DSC2: variants seen among roughly 807,000 people sequenced by gnomAD.
DSC2 encodes desmocollin 2.
Under a neutral mutation model 87.6 loss-of-function variants are expected in DSC2, and 51 were observed. That is an observed-to-expected ratio of 0.58 (90% CI 0.46 to 0.74). DSC2 has a LOEUF of 0.74. Ranked by LOEUF, DSC2 falls within the 30% of genes least tolerant of loss-of-function variation. DSC2 has a pLI of 0.00. For missense variants in DSC2, 1,066 were observed against 1,089.5 expected (o/e 0.98, Z 0.30); for synonymous variants, 383 against 393.2 (o/e 0.97, Z 0.31).
chr18:31,092,425 G>C lies in DSC2; in HGVS notation c.155-125C>G. On this transcript the variant is annotated intron_variant, in intron 2 of 15. Coordinates refer to ENST00000280904, the MANE Select transcript of DSC2 (RefSeq NM_024422.6). Reference sequence around the variant, plus strand: ...ATTATACTGACACTTGTAAATTTTTGAAAGGACACATAAAACTATATGGTG... The same window carrying C: ...ATTATACTGACACTTGTAAATTTTTCAAAGGACACATAAAACTATATGGTG... 3 of 772,170 alleles carry C rather than the reference G, an allele frequency of 3.9e-6. No individual in the cohort carries two copies. In the South Asian group the frequency reaches 4.6e-5, roughly 12 times the overall value. The allele number at this position is 772,170 out of a possible 1,614,324, so 47.8% of individuals were successfully genotyped here.
chr18:31,096,019 T>C (rs747801166), intron 1 of DSC2, among the ~76,000 whole-genome samples: 93 of 151,980 alleles, frequency 6.1e-4, no homozygotes, highest in Non-Finnish European at 1.1e-3. Context: ...AAGAAGTGGG[T>C]GTGGGCCAGA....
chr18:31,101,391 T>C (rs1323872487), intron 1 of DSC2, among the ~76,000 whole-genome samples: 1 of 151,348 alleles, frequency 6.6e-6, no homozygotes, highest in Admixed American at 6.6e-5. Context: ...CGGTTCCCCT[T>C]TCCGTGGCCT....
intron 7 of DSC2, 62 bp downstream of exon 7, chr18:31,086,514 G>A: frequency 6.3e-7 from 1 of 1,577,502 alleles, no homozygotes; most frequent in Non-Finnish European, 8.7e-7. Flanking sequence ...ACATCTACAG[G>A]AGTTATACAG....
intron 9 of DSC2, among the ~76,000 whole-genome samples, chr18:31,081,189 A>T (rs772962327): frequency 6.6e-5 from 10 of 152,124 alleles, no homozygotes; most frequent in Non-Finnish European, 1.5e-4. Flanking sequence ...AAATGGGTAA[A>T]TTTTTTTAAA....
intron 1 of DSC2, among the ~76,000 whole-genome samples, chr18:31,094,265 A>G (rs1987697130): frequency 6.6e-6 from 1 of 152,240 alleles, no homozygotes; most frequent in South Asian, 2.1e-4. Flanking sequence ...ATCCTAAACA[A>G]AAAGTAAATG....
Position 31,066,106 on chromosome 18 carries a change from C to T in DSC2, c.*1909G>A, listed in dbSNP as rs569817490. On this transcript the variant is annotated 3_prime_UTR_variant, in exon 16 of 16. Transcript: ENST00000280904. ...CTAGGAAACAAGTTCTGTTATTATC[C>T]CCCATTTTAAAATGATGAAAATGGA... The T allele has an allele frequency of 6.6e-6, 1 of 152,020 alleles. No individual in the cohort carries two copies. Among genetic ancestry groups the T allele is most frequent in the Non-Finnish European group, 1.5e-5 (1 of 68,012 alleles). The allele number at this position is 152,020 out of a possible 1,614,324, so 9.4% of individuals were successfully genotyped here.
chr18:31,063,938 A>G lies in DSC2; in HGVS notation c.*4077T>C, dbSNP rs1031544679. The G allele has an allele frequency of 6.6e-6, 1 of 152,204 alleles. No homozygotes were observed. The highest frequency in any genetic ancestry group is 2.1e-4 in the South Asian group (1 of 4,830). 9.4% of individuals were successfully genotyped at this position (152,204 alleles called of 1,614,324 possible). A position where few individuals can be genotyped will look rare whatever the true frequency, so the allele number is the denominator to read the frequency against. The stretch of plus-strand genomic sequence containing the variant: ...CTCTTAGGCAGAATGGCATGATCAT[A>G]TCTGCTCTTTGATGGCCCTTGAAAA... On this transcript the variant is annotated 3_prime_UTR_variant, in exon 16 of 16. Coordinates refer to ENST00000280904, the MANE Select transcript of DSC2 (RefSeq NM_024422.6).
At chr18:31,089,831 T>C (rs953544271) in intron 4 of DSC2, among the ~76,000 whole-genome samples, 1 of 152,186 alleles carries the variant, frequency 6.6e-6, no homozygotes, top group African/African-American at 2.4e-5. Context: ...AAGGAATATT[T>C]GACAGGCTAG....
intron 12 of DSC2, among the ~76,000 whole-genome samples, chr18:31,073,682 G>A (rs533066655): frequency 1.3e-4 from 20 of 152,324 alleles, no homozygotes; most frequent in African/African-American, 4.6e-4. Flanking sequence ...GGTAGACCAT[G>A]ACATCATGGT....
Position 31,068,990 on chromosome 18 carries a change from G to A in DSC2, c.2412C>T (p.His804=), listed in dbSNP as rs1986728077. 1.3e-5 allele frequency: 21 copies of A among 1,614,096 alleles called. No homozygotes were observed. The highest frequency in any genetic ancestry group is 1.7e-5 in the Non-Finnish European group (20 of 1,179,998). Residue 804 remains histidine (H), a synonymous_variant, in exon 15 of 16, where the codon CAC becomes CAT. Coordinates refer to ENST00000280904, the MANE Select transcript of DSC2 (RefSeq NM_024422.6). ...SESCRGAGHH[H]TLDSCRGGHT... ...GTCCTCCCCTGCAGGAGTCCAGGGT[G>A]TGATGGTGGCCAGCCCCCCGGCAGG...
rs1316144961 is a variant in DSC2 at position 31,102,222 on chromosome 18, G to C, written c.-251C>G. On this transcript the variant is annotated 5_prime_UTR_variant, in exon 1 of 16. Transcript: ENST00000280904. ...AAAAGACACCGATCGGCCCCTCCTTGTTGTCTATTTAAGACTTAAGACTTC... is the reference window on the plus strand; with the variant it reads ...AAAAGACACCGATCGGCCCCTCCTTCTTGTCTATTTAAGACTTAAGACTTC... 1 of 434,932 alleles carries C rather than the reference G, an allele frequency of 2.3e-6. No individual in the cohort carries two copies. The highest frequency in any genetic ancestry group is 4.0e-6 in the Non-Finnish European group (1 of 248,456). The allele number at this position is 434,932 out of a possible 1,614,324, so 26.9% of individuals were successfully genotyped here. A position where few individuals can be genotyped will look rare whatever the true frequency, so the allele number is the denominator to read the frequency against.
chr18:31,087,063 C>T (rs1198432261), intron 6 of DSC2, among the ~76,000 whole-genome samples: 2 of 152,166 alleles, frequency 1.3e-5, no homozygotes. Flanking sequence ...TGTTTGTAAG[C>T]TTGTGCTTAG....
intron 1 of DSC2, chr18:31,101,554 G>A (rs943527307): frequency 7.4e-6 from 2 of 268,912 alleles, no homozygotes; most frequent in African/African-American, 2.3e-5. Context: ...TCCCGCCCCG[G>A]CGCACTCCGA....
At chr18:31,068,489 A>G (rs982812459) in intron 15 of DSC2, 3 of 888,006 alleles carry the variant, frequency 3.4e-6, no homozygotes, top group African/African-American at 3.3e-5. Flanking sequence ...TCAAAATTTT[A>G]GCTGAAAGTG....
rs765511398 is a variant in DSC2 at position 31,082,262 on chromosome 18, A to C, written c.1239T>G (p.Asn413Lys). The stretch of plus-strand genomic sequence containing the variant: ...CCTTAACTACACAAAGAACTCCTTC[A>C]TTGGTTTTGGCATCTGTTACAATTT... ...NFKIVTDAKT[N>K]EGVLCVVKPL... The change falls in exon 9 of 16, where the codon AAT becomes AAG. Residue 413 changes from asparagine (N) to lysine (K), a missense_variant. Physicochemically the swap from Asn to Lys is moderately conservative, Grantham distance 94. Coordinates refer to ENST00000280904, the MANE Select transcript of DSC2 (RefSeq NM_024422.6). 2 of 1,613,476 alleles carry C rather than the reference A, an allele frequency of 1.2e-6. No homozygotes were observed. The highest frequency in any genetic ancestry group is 2.2e-5 in the East Asian group (1 of 44,826).
chr18:31,068,275 A>G, intron 15 of DSC2, 63 bp from the exon 16 acceptor site: 1 of 1,612,954 alleles, frequency 6.2e-7, no homozygotes, highest in Non-Finnish European at 8.5e-7. Flanking sequence ...ATTTACTAAC[A>G]TAAAAGTAAT....
intron 12 of DSC2, among the ~76,000 whole-genome samples, chr18:31,073,226 T>A (rs1986889845): frequency 6.6e-6 from 1 of 151,874 alleles, no homozygotes; most frequent in Admixed American, 6.6e-5. Context: ...GTAAGACTAT[T>A]GGGAAAAAAA....
At position 31,067,878 on chromosome 18, in the gene DSC2, T is replaced by C. The variant is rs78190086; in HGVS notation, c.*137A>G. The C allele has an allele frequency of 2.7e-3, 2,174 of 799,370 alleles. 29 individuals carry two copies. The African/African-American group carries it at 0.034, about 12-fold the overall frequency. The allele number at this position is 799,370 out of a possible 1,614,324, so 49.5% of individuals were successfully genotyped here. On this transcript the variant is annotated 3_prime_UTR_variant, in exon 16 of 16. Coordinates refer to ENST00000280904, the MANE Select transcript of DSC2 (RefSeq NM_024422.6). ...ATAGTGTCTCTCTGTAAATGTGCAT[T>C]TGACCAAAGAGATTCCATCCAAATA...
In DSC2 at chr18:31,068,913, G is replaced by C. The variant is rs1986721673; in HGVS notation, c.2489C>G (p.Thr830Ser). Reference sequence around the variant, plus strand: ...ACTCACTTCACCAAGACGGGGCTGAGTAAAACTGTGCCACTCCGAGTAAGT... The same window carrying C: ...ACTCACTTCACCAAGACGGGGCTGACTAAAACTGTGCCACTCCGAGTAAGT... ...RYTYSEWHSF[T>S]QPRLGEKVYL... is the part of the protein sequence containing the mutation. Residue 830 changes from threonine to serine, a missense_variant, in exon 15 of 16, where the codon ACT (threonine) becomes AGT (serine). Physicochemically the swap from Thr to Ser is moderately conservative, Grantham distance 58. Transcript: ENST00000280904. 6.2e-7 allele frequency: 1 copy of C among 1,613,688 alleles called. No individual in the cohort carries two copies. The highest frequency in any genetic ancestry group is 1.7e-5 in the Admixed American group (1 of 59,994).
Sources: allele counts gnomAD v4.1 joint callset (sites outside exome capture counted in the v4.1 genomes callset), GRCh38; gene constraint gnomAD v4.1.1; transcripts MANE v1.5; gene names NCBI Gene and HGNC (gene_info 2026-07-23, HGNC 2026-07-21).